The following CCDC178 variants were observed in gnomAD, a reference collection of about 807,000 sequenced individuals.
CCDC178 encodes the protein coiled-coil domain-containing protein 178.
CCDC178 carries 126 observed loss-of-function variants against 117.4 expected under a neutral mutation model. The observed-to-expected ratio is 1.07, with a 90% CI of 0.93 to 1.24. CCDC178 has a LOEUF of 1.24. CCDC178 is among the 50% of genes most tolerant of loss of function. CCDC178 has a pLI of 0.00. For synonymous variants in CCDC178, 283 were observed against 313.4 expected (o/e 0.90, Z 1.02); for missense variants, 1,030 against 986.9 (o/e 1.04, Z -0.59).
intron 20 of CCDC178, among the ~76,000 whole-genome samples, chr18:33,130,577 G>C (rs1372690555): frequency 6.6e-6 from 1 of 151,946 alleles, no homozygotes; most frequent in Non-Finnish European, 1.5e-5. Flanking sequence ...TAGGTTCCAA[G>C]GTCATGTTTA....
intron 21 of CCDC178, among the ~76,000 whole-genome samples, chr18:32,987,835 C>A (rs149530465): frequency 6.6e-6 from 1 of 152,064 alleles, no homozygotes; most frequent in Non-Finnish European, 1.5e-5. Context: ...CAGTGGCTCA[C>A]GCCTGTAATC....
At chr18:33,073,683 A>G (rs2057154448) in intron 21 of CCDC178, among the ~76,000 whole-genome samples, 1 of 152,132 alleles carries the variant, frequency 6.6e-6, no homozygotes, top group Admixed American at 6.5e-5. Context: ...AATTGCAAAA[A>G]TATTTGCCGG....
intron 15 of CCDC178, among the ~76,000 whole-genome samples, chr18:33,229,688 T>G (rs538472932): frequency 1.3e-5 from 2 of 152,298 alleles, no homozygotes; most frequent in East Asian, 3.9e-4. Flanking sequence ...TAGGAATATT[T>G]AATGTAGAGC....
At chr18:33,354,641 C>T (rs1599210502) in intron 7 of CCDC178, among the ~76,000 whole-genome samples, 3 of 147,006 alleles carry the variant, frequency 2.0e-5, no homozygotes, top group African/African-American at 2.5e-5. Context: ...GACAGAGTCT[C>T]ACTCTGTCGC....
chr18:33,351,420 T>G (rs1185314495), intron 7 of CCDC178, among the ~76,000 whole-genome samples: 1 of 152,180 alleles, frequency 6.6e-6, no homozygotes, highest in Non-Finnish European at 1.5e-5. Context: ...CTCAAACTCC[T>G]GACCTCAGGT....
intron 20 of CCDC178, among the ~76,000 whole-genome samples, chr18:33,138,897 G>A (rs1444764309): frequency 2.0e-5 from 3 of 152,080 alleles, no homozygotes; most frequent in Non-Finnish European, 2.9e-5. Context: ...TGAAAACTTT[G>A]AATTTTCACA....
At chr18:33,004,556 C>T in intron 21 of CCDC178, among the ~76,000 whole-genome samples, 1 of 151,982 alleles carries the variant, frequency 6.6e-6, no homozygotes, top group South Asian at 2.1e-4. Context: ...GGACACTGGA[C>T]TGAAGATTTC....
intron 5 of CCDC178, among the ~76,000 whole-genome samples, chr18:33,374,395 CAT>C (rs2063338397): frequency 6.6e-6 from 1 of 152,114 alleles, no homozygotes; most frequent in Admixed American, 6.6e-5. Context: ...CATCATTAGT[CAT>C]AGTCATCAAG....
intron 22 of CCDC178, among the ~76,000 whole-genome samples, chr18:32,962,286 T>C (rs181469472): frequency 5.9e-5 from 9 of 152,210 alleles, no homozygotes; most frequent in African/African-American, 2.2e-4. Flanking sequence ...GTTGTCTTTT[T>C]AATAAATGAA....
At chr18:32,985,089 T>C (rs2055235411) in intron 21 of CCDC178, among the ~76,000 whole-genome samples, 1 of 151,914 alleles carries the variant, frequency 6.6e-6, no homozygotes, top group African/African-American at 2.4e-5. Context: ...TAATTCACAA[T>C]AAAAACATTA....
In CCDC178 at chr18:33,402,657, A is replaced by G. The variant is rs183473720; in HGVS notation, c.59-5449T>C. ...TAGAGATATCTTACATTTCTGAGATATGAGAATTTACATATTACACTTATC... is the reference window on the plus strand; with the variant it reads ...TAGAGATATCTTACATTTCTGAGATGTGAGAATTTACATATTACACTTATC... On this transcript the variant is annotated intron_variant, in intron 3 of 22. Coordinates refer to ENST00000383096, the MANE Select transcript of CCDC178 (RefSeq NM_001105528.4). 2.5e-3 allele frequency among the ~76,000 whole-genome samples: 385 copies of G among 152,356 alleles called. 3 individuals are homozygous for G. Among genetic ancestry groups the G allele is most frequent in the Non-Finnish European group, 4.7e-3 (318 of 68,030 alleles).
At chr18:33,412,750 G>T (rs1254172549) in intron 2 of CCDC178, among the ~76,000 whole-genome samples, 1 of 152,078 alleles carries the variant, frequency 6.6e-6, no homozygotes, top group African/African-American at 2.4e-5. Context: ...AATTAATGAT[G>T]TCTTAATATC....
intron 21 of CCDC178, among the ~76,000 whole-genome samples, chr18:33,005,657 G>A (rs1246898573): frequency 6.6e-6 from 1 of 151,984 alleles, no homozygotes; most frequent in Non-Finnish European, 1.5e-5. Flanking sequence ...TTGAGGTAAT[G>A]GATACCTAAT....
intron 21 of CCDC178, among the ~76,000 whole-genome samples, chr18:33,061,996 G>T (rs142939044): frequency 6.6e-6 from 1 of 151,982 alleles, no homozygotes; most frequent in African/African-American, 2.4e-5. Flanking sequence ...AAAAGTAATC[G>T]GATTTATTTT....
chr18:33,314,188 G>A (rs1208506945), intron 11 of CCDC178, among the ~76,000 whole-genome samples: 17 of 107,106 alleles, frequency 1.6e-4, no homozygotes, highest in African/African-American at 5.6e-4. Context: ...GTGACAGAGC[G>A]AGACTCCGTC....
At chr18:33,000,647 G>A (rs1477431985) in intron 21 of CCDC178, among the ~76,000 whole-genome samples, 1 of 152,196 alleles carries the variant, frequency 6.6e-6, no homozygotes, top group African/African-American at 2.4e-5. Flanking sequence ...CTTTTCAGCG[G>A]AAAACTTACA....
At chr18:32,957,008 G>T (rs902582678) in intron 22 of CCDC178, among the ~76,000 whole-genome samples, 1 of 151,998 alleles carries the variant, frequency 6.6e-6, no homozygotes, top group Non-Finnish European at 1.5e-5. Context: ...AAGAGAAAAA[G>T]AAGCCGTTTT....
At chr18:33,237,671 C>A (rs1232228707) in intron 15 of CCDC178, among the ~76,000 whole-genome samples, 1 of 152,080 alleles carries the variant, frequency 6.6e-6, no homozygotes, top group Non-Finnish European at 1.5e-5. Context: ...AGCGAGGAAA[C>A]CATATGGCCA....
chr18:33,136,078 C>T (rs1221131261), intron 20 of CCDC178: 1 of 152,116 alleles, frequency 6.6e-6, no homozygotes, highest in Non-Finnish European at 1.5e-5. Flanking sequence ...AGAGCAAGTT[C>T]AAGGCAGAGG....
Sources: gnomAD v4.1 joint callset for allele counts (sites outside exome capture counted in the v4.1 genomes callset) on GRCh38, gnomAD v4.1.1 for gene constraint, MANE v1.5 for transcripts, NCBI Gene and HGNC (gene_info 2026-07-23, HGNC 2026-07-21) for gene names.